Variants in PRDM16 observed in about 807,000 individuals in gnomAD.
The protein encoded by PRDM16 is histone-lysine N-methyltransferase PRDM16.
In PRDM16, 23 loss-of-function variants were observed where a neutral mutation model predicts 110.6. The observed-to-expected ratio is 0.21, with a 90% CI of 0.15 to 0.29. The LOEUF (loss-of-function observed/expected upper bound fraction) is 0.29. PRDM16 is among the 10% of genes least tolerant of loss of function. PRDM16 has a pLI of 1.00. For synonymous variants in PRDM16, 799 were observed against 781.8 expected (o/e 1.02, Z -0.37); for missense variants, 1,615 against 1,794.3 (o/e 0.90, Z 1.81).
intron 1 of PRDM16, among the ~76,000 whole-genome samples, chr1:3,156,832 A>C (rs1643863661): frequency 6.6e-6 from 1 of 152,112 alleles, no homozygotes; most frequent in Non-Finnish European, 1.5e-5. Flanking sequence ...GAAGCAGAGG[A>C]AGTGGCTTCT....
chr1:3,321,569 TGA>T (rs1641747392), intron 3 of PRDM16, among the ~76,000 whole-genome samples: 4 of 150,746 alleles, frequency 2.7e-5, no homozygotes, highest in South Asian at 4.3e-4. Context: ...CAAATGTGTG[TGA>T]GAGTGTTTGG....
chr1:3,141,447 G>A lies in PRDM16; in HGVS notation c.38-44678G>A, dbSNP rs553324111. ...TCCCCGCATTAGCAGAACAAATGGC[G>A]CAGAGATCAGACATCATCTCCAAGG... On this transcript the variant is annotated intron_variant, in intron 1 of 16. Coordinates refer to ENST00000270722, the MANE Select transcript of PRDM16 (RefSeq NM_022114.4). 3.9e-5 allele frequency among the ~76,000 whole-genome samples: 6 copies of A among 152,334 alleles called. No homozygotes were observed. In the East Asian group the frequency reaches 5.8e-4, roughly 15 times the overall value.
At chr1:3,113,936 T>C (rs1050145154) in intron 1 of PRDM16, among the ~76,000 whole-genome samples, 1 of 152,222 alleles carries the variant, frequency 6.6e-6, no homozygotes, top group Non-Finnish European at 1.5e-5. Flanking sequence ...AGAATTTTTT[T>C]CTTTTTTTTC....
chr1:3,184,991 G>T (rs1037628195), intron 1 of PRDM16, among the ~76,000 whole-genome samples: 1 of 152,188 alleles, frequency 6.6e-6, no homozygotes, highest in African/African-American at 2.4e-5. Flanking sequence ...TTGGGGAGGG[G>T]AGGTACCGTC....
chr1:3,217,490 C>G (rs1271711329), intron 2 of PRDM16, among the ~76,000 whole-genome samples: 1 of 152,200 alleles, frequency 6.6e-6, no homozygotes, highest in African/African-American at 2.4e-5. Context: ...GAAAACCGCT[C>G]CTTTCTGCTC....
chr1:3,427,017 T>A (rs1415794914), intron 14 of PRDM16, among the ~76,000 whole-genome samples: 3 of 152,238 alleles, frequency 2.0e-5, no homozygotes, highest in Non-Finnish European at 4.4e-5. Context: ...TGCAAGTACA[T>A]GCACATGGAC....
At chr1:3,386,149 GCCCGGGGTGCCCGGGGTC>G (rs1643192604) in intron 4 of PRDM16, among the ~76,000 whole-genome samples, 1 of 149,524 alleles carries the variant, frequency 6.7e-6, no homozygotes, top group Admixed American at 6.6e-5. Context: ...TCCTCGGGGT[GCCCGGGGTGCCCGGGGTC>G]CCCGGCCCCT....
At chr1:3,071,350 C>CGGAGAGCCGGGCCCAGCG (rs1177899766) in intron 1 of PRDM16, among the ~76,000 whole-genome samples, 15 of 152,388 alleles carry the variant, frequency 9.8e-5, no homozygotes, top group African/African-American at 3.6e-4. Flanking sequence ...GCCAGGAGGC[C>CGGAGAGCCGGGCCCAGCG]GGAGAGCCGG....
chr1:3,088,416 C>G (rs965148497), intron 1 of PRDM16, among the ~76,000 whole-genome samples: 2 of 151,970 alleles, frequency 1.3e-5, no homozygotes, highest in Non-Finnish European at 2.9e-5. Context: ...GGCTTTCCCC[C>G]GAATACTCTT....
chr1:3,275,721 A>G (rs941354383), intron 3 of PRDM16, among the ~76,000 whole-genome samples: 1 of 151,826 alleles, frequency 6.6e-6, no homozygotes, highest in Non-Finnish European at 1.5e-5. Flanking sequence ...TTCCTCCTGG[A>G]CTTTAGGTGA....
intron 3 of PRDM16, among the ~76,000 whole-genome samples, chr1:3,305,522 C>T (rs566649914): frequency 2.6e-5 from 4 of 152,218 alleles, no homozygotes; most frequent in Admixed American, 2.0e-4. Flanking sequence ...TTTGCCCACT[C>T]GTCCACAGCC....
At chr1:3,232,270 G>A (rs1639434830) in intron 2 of PRDM16, among the ~76,000 whole-genome samples, 1 of 152,220 alleles carries the variant, frequency 6.6e-6, no homozygotes, top group South Asian at 2.1e-4. Flanking sequence ...AATGCCGGGT[G>A]GAGCTGCACG....
intron 3 of PRDM16, among the ~76,000 whole-genome samples, chr1:3,268,086 CAG>C (rs1640338717): frequency 6.6e-6 from 1 of 152,214 alleles, no homozygotes; most frequent in Non-Finnish European, 1.5e-5. Flanking sequence ...CCGAATCTAA[CAG>C]GGTGCCCGTT....
At chr1:3,183,211 G>T (rs1282739457) in intron 1 of PRDM16, among the ~76,000 whole-genome samples, 1 of 152,174 alleles carries the variant, frequency 6.6e-6, no homozygotes, top group African/African-American at 2.4e-5. Context: ...CCCACGTCCA[G>T]AACAAGCCTG....
chr1:3,224,243 A>T (rs1639234816), intron 2 of PRDM16, among the ~76,000 whole-genome samples: 1 of 152,216 alleles, frequency 6.6e-6, no homozygotes, highest in Non-Finnish European at 1.5e-5. Context: ...AAAGGATTTT[A>T]TATCGTGCAC....
intron 1 of PRDM16, among the ~76,000 whole-genome samples, chr1:3,161,359 G>A (rs949207575): frequency 6.6e-6 from 1 of 152,202 alleles, no homozygotes; most frequent in Non-Finnish European, 1.5e-5. Flanking sequence ...GCCACACCAA[G>A]TACAAACCGA....
In PRDM16 at chr1:3,143,943, A is replaced by G. The variant is rs940956522; in HGVS notation, c.38-42182A>G. ...ATGTGTTAGTCGTAGTGAAGGCTCC[A>G]CAAGCACTTTTGAGGCCAGGGGGAA... On this transcript the variant is annotated intron_variant, in intron 1 of 16. Coordinates refer to ENST00000270722, the MANE Select transcript of PRDM16 (RefSeq NM_022114.4). This position sits in a 1 kb window ranked among gnomAD's most constrained non-coding sequence, Gnocchi z 4.5. Among the ~76,000 whole-genome samples, 4 of 152,182 alleles carry G rather than the reference A, an allele frequency of 2.6e-5. No homozygotes were observed. Among genetic ancestry groups the G allele is most frequent in the African/African-American group, 9.7e-5 (4 of 41,440 alleles).
In PRDM16 at chr1:3,086,359, C is replaced by T. The variant is rs567011989; in HGVS notation, c.37+17063C>T. On this transcript the variant is annotated intron_variant, in intron 1 of 16. Transcript: ENST00000270722. Reference sequence around the variant, plus strand: ...GTTGCAGGCCAAGGTTCCCTGCCCCCGTCAAGTGATGCAGGGATGGGCTCT... The same window carrying T: ...GTTGCAGGCCAAGGTTCCCTGCCCCTGTCAAGTGATGCAGGGATGGGCTCT... 4.6e-5 allele frequency among the ~76,000 whole-genome samples: 7 copies of T among 152,192 alleles called. No homozygotes were observed. In the South Asian group the frequency reaches 6.2e-4, roughly 14 times the overall value.
chr1:3,408,089 G>A (rs1242355701), intron 8 of PRDM16, among the ~76,000 whole-genome samples: 1 of 152,210 alleles, frequency 6.6e-6, no homozygotes, highest in Non-Finnish European at 1.5e-5. Flanking sequence ...TTGCAAACAA[G>A]TGAGGGAGTC....
Sources: allele counts gnomAD v4.1 joint callset (sites outside exome capture counted in the v4.1 genomes callset), GRCh38; gene constraint gnomAD v4.1.1; non-coding constraint Gnocchi (gnomAD v3.1); transcripts MANE v1.5; gene names NCBI Gene and HGNC (gene_info 2026-07-23, HGNC 2026-07-21).